FARS2: variants seen among roughly 807,000 people sequenced by gnomAD.
The protein encoded by FARS2 is phenylalanine--tRNA ligase, mitochondrial.
Under a neutral mutation model 46.4 loss-of-function variants are expected in FARS2, and 40 were observed. That is an observed-to-expected ratio of 0.86 (90% CI 0.67 to 1.12). The LOEUF (loss-of-function observed/expected upper bound fraction) is 1.12, where lower values mean the gene tolerates loss of function less well. Among genes scored for constraint, FARS2 ranks in the 50% most tolerant of loss-of-function variants. The pLI is 0.00. For synonymous variants in FARS2, 234 were observed against 214.9 expected, an observed-to-expected ratio of 1.09 and a Z score of -0.78; for missense variants, 513 against 567.9, an observed-to-expected ratio of 0.90 and a Z score of 0.98.
intron 1 of FARS2, among the ~76,000 whole-genome samples, chr6:5,353,940 C>CT (rs200790865): frequency 0.23 from 31,849 of 136,696 alleles, 4,275 homozygotes; most frequent in East Asian, 0.31. Context: ...CTGTTTGCTG[C>CT]TTTTTTTTTT....
chr6:5,711,725 C>G (rs1480482675), intron 6 of FARS2, among the ~76,000 whole-genome samples: 1 of 152,210 alleles, frequency 6.6e-6, no homozygotes, highest in Non-Finnish European at 1.5e-5. Flanking sequence ...CCACCCAAAC[C>G]AAGGGAAGTC....
chr6:5,621,723 G>A (rs1417131012), intron 6 of FARS2, among the ~76,000 whole-genome samples: 1 of 152,164 alleles, frequency 6.6e-6, no homozygotes, highest in African/African-American at 2.4e-5. Context: ...TAGAAACTCA[G>A]CTTCCAAAAA....
intron 6 of FARS2, among the ~76,000 whole-genome samples, chr6:5,711,533 AAGC>A (rs1204307461): frequency 1.3e-5 from 2 of 152,184 alleles, no homozygotes; most frequent in Admixed American, 6.5e-5. Flanking sequence ...GTCAAGAGTG[AAGC>A]CAGGCTGACA....
At chr6:5,693,365 T>C (rs1009338448) in intron 6 of FARS2, among the ~76,000 whole-genome samples, 3 of 152,202 alleles carry the variant, frequency 2.0e-5, no homozygotes, top group African/African-American at 7.2e-5. Context: ...TGATGACTTA[T>C]GGGGAATCCA....
chr6:5,593,736 C>T (rs913833213), intron 5 of FARS2, among the ~76,000 whole-genome samples: 13 of 152,236 alleles, frequency 8.5e-5, no homozygotes, highest in South Asian at 4.1e-4. Context: ...ATGTTTCATT[C>T]GATTTTATTC....
chr6:5,254,231 G>T, the FARS2 span, among the ~76,000 whole-genome samples: 1 of 152,150 alleles, frequency 6.6e-6, no homozygotes, highest in East Asian at 1.9e-4. Flanking sequence ...CAAGTTGAAC[G>T]AATTGGCCTC....
At chr6:5,383,943 G>A (rs1260225461) in intron 2 of FARS2, among the ~76,000 whole-genome samples, 1 of 152,086 alleles carries the variant, frequency 6.6e-6, no homozygotes, top group African/African-American at 2.4e-5. Flanking sequence ...AGAAGAAAAT[G>A]CAATCTCTTT....
chr6:5,493,670 G>A (rs1767272802), intron 4 of FARS2, among the ~76,000 whole-genome samples: 1 of 152,192 alleles, frequency 6.6e-6, no homozygotes, highest in Non-Finnish European at 1.5e-5. Context: ...TATAAAATGG[G>A]AGCAGTAGTA....
intron 4 of FARS2, among the ~76,000 whole-genome samples, chr6:5,484,827 T>C (rs568456894): frequency 2.0e-5 from 3 of 152,272 alleles, no homozygotes; most frequent in African/African-American, 7.2e-5. Context: ...GAGAGAATGG[T>C]ATCCTTAGTG....
At chr6:5,522,471 C>G (rs1222462231) in intron 4 of FARS2, among the ~76,000 whole-genome samples, 1 of 152,252 alleles carries the variant, frequency 6.6e-6, no homozygotes, top group African/African-American at 2.4e-5. Context: ...AAAGGGACAG[C>G]CTGCATCATT....
chr6:5,629,089 C>T (rs977219404), intron 6 of FARS2, among the ~76,000 whole-genome samples: 7 of 152,194 alleles, frequency 4.6e-5, no homozygotes, highest in African/African-American at 1.7e-4. Flanking sequence ...CAGGTTGTAA[C>T]ACATCTGTTC....
chr6:5,534,874 CAG>C (rs905423608), intron 4 of FARS2, among the ~76,000 whole-genome samples: 170 of 124,610 alleles, frequency 1.4e-3, no homozygotes, highest in African/African-American at 4.6e-3. Context: ...CACACACACA[CAG>C]AGACTGAGAG....
chr6:5,259,648 T>C (rs1221103019), upstream of FARS2, among the ~76,000 whole-genome samples: 1 of 152,176 alleles, frequency 6.6e-6, no homozygotes, highest in Non-Finnish European at 1.5e-5. Flanking sequence ...TAACCAGGTG[T>C]GTTCCAAGGG....
intron 4 of FARS2, among the ~76,000 whole-genome samples, chr6:5,454,825 G>A (rs567884728): frequency 1.1e-4 from 17 of 152,240 alleles, no homozygotes; most frequent in Non-Finnish European, 2.1e-4. Flanking sequence ...CGCCTTCACC[G>A]TCATTCCAGC....
chr6:5,264,379 A>G (rs550427226), intron 1 of FARS2, among the ~76,000 whole-genome samples: 1 of 152,302 alleles, frequency 6.6e-6, no homozygotes, highest in South Asian at 2.1e-4. Flanking sequence ...TTAGATATCA[A>G]CTCATTCATT....
At chr6:5,252,384 G>A in the FARS2 span, among the ~76,000 whole-genome samples, 44 of 152,074 alleles carry the variant, frequency 2.9e-4, no homozygotes, top group African/African-American at 9.9e-4. Context: ...AACCTATTTC[G>A]TTACTTACTG....
At chr6:5,545,997 A>G (rs1239903022) in intron 5 of FARS2, among the ~76,000 whole-genome samples, 4 of 151,994 alleles carry the variant, frequency 2.6e-5, no homozygotes, top group Admixed American at 2.0e-4. Context: ...GCATGGTGGC[A>G]CGCACCTGTA....
intron 1 of FARS2, among the ~76,000 whole-genome samples, chr6:5,337,027 A>G (rs987653222): frequency 6.6e-6 from 1 of 150,380 alleles, no homozygotes; most frequent in African/African-American, 2.4e-5. Flanking sequence ...AAAACTCTGT[A>G]TATTCTATTT....
intron 6 of FARS2, among the ~76,000 whole-genome samples, chr6:5,731,230 A>G (rs1413710075): frequency 6.6e-6 from 1 of 152,168 alleles, no homozygotes; most frequent in Non-Finnish European, 1.5e-5. Context: ...CCCAGGAACT[A>G]CCACTCAGAG....
Sources: gnomAD v4.1 joint callset for allele counts (sites outside exome capture counted in the v4.1 genomes callset) on GRCh38, gnomAD v4.1.1 for gene constraint, MANE v1.5 for transcripts, NCBI Gene and HGNC (gene_info 2026-07-23, HGNC 2026-07-21) for gene names.